The following PROM1 variants were observed in gnomAD, a reference collection of about 807,000 sequenced individuals.
PROM1 encodes prominin 1.
Under a neutral mutation model 116.9 loss-of-function variants are expected in PROM1, and 105 were observed. The ratio of observed to expected loss-of-function variants is 0.90; its 90% CI spans 0.77 to 1.06. PROM1 has a LOEUF of 1.06. PROM1 is among the 50% of genes least tolerant of loss of function. PROM1 has a pLI of 0.00. For missense variants in PROM1, 1,122 were observed against 1,045.2 expected (o/e 1.07, Z -1.01); for synonymous variants, 393 against 387.0 (o/e 1.02, Z -0.18).
At chr4:16,013,686 G>A (rs948718736) in intron 10 of PROM1, among the ~76,000 whole-genome samples, 3 of 152,156 alleles carry the variant, frequency 2.0e-5, no homozygotes, top group South Asian at 4.1e-4. Context: ...ACTAGGGTAT[G>A]TTTGGCAAAG....
At chr4:16,041,286 A>G (rs1255252217) in intron 2 of PROM1, among the ~76,000 whole-genome samples, 1 of 152,254 alleles carries the variant, frequency 6.6e-6, no homozygotes, top group Non-Finnish European at 1.5e-5. Flanking sequence ...CTCTTGATAA[A>G]GCATTAAAAA....
chr4:16,013,453 A>G, intron 10 of PROM1, 115 bp from the exon 11 acceptor site: 1 of 700,820 alleles, frequency 1.4e-6, no homozygotes. Flanking sequence ...TATAACATTC[A>G]TCTTAAGGGT....
intron 3 of PROM1, among the ~76,000 whole-genome samples, chr4:16,036,363 C>T (rs1168450172): frequency 6.6e-6 from 1 of 152,186 alleles, no homozygotes; most frequent in Non-Finnish European, 1.5e-5. Flanking sequence ...ATTGCCTCAG[C>T]TGGCAGATCT....
chr4:16,022,635 A>G (rs1352971151), intron 8 of PROM1, among the ~76,000 whole-genome samples: 1 of 152,206 alleles, frequency 6.6e-6, no homozygotes, highest in Non-Finnish European at 1.5e-5. Context: ...TGGCAAAATG[A>G]GTGTTTTACA....
intron 12 of PROM1, among the ~76,000 whole-genome samples, chr4:16,008,509 T>C (rs1238210478): frequency 2.6e-5 from 4 of 152,250 alleles, no homozygotes; most frequent in Non-Finnish European, 5.9e-5. Context: ...GTTTATAAAA[T>C]AGAAAAGAAT....
intron 26 of PROM1, chr4:15,971,328 A>G: frequency 2.1e-6 from 1 of 474,440 alleles, no homozygotes; most frequent in East Asian, 3.2e-5. Context: ...AGAATTGTGA[A>G]TATTCACAAT....
At chr4:15,980,636 T>A in intron 23 of PROM1, 99 bp from the exon 24 acceptor site, 1 of 776,134 alleles carries the variant, frequency 1.3e-6, no homozygotes, top group Non-Finnish European at 2.0e-6. Flanking sequence ...TTTTTGGAAT[T>A]TTTAAAAATG....
chr4:16,075,663 T>C lies in PROM1; in HGVS notation c.220+24A>G, dbSNP rs202017886. ...TGGGTGCGTTTGGAGATAAATCCTA[T>C]CTTTCCCTGCCATCAGCACTTACCT... On this transcript the variant is annotated intron_variant, in intron 2 of 27. Transcript: ENST00000447510. The C allele has an allele frequency of 1.9e-4, 300 of 1,589,006 alleles. No individual in the cohort carries two copies. In the African/African-American group the frequency reaches 3.6e-3, roughly 19 times the overall value.
intron 11 of PROM1, among the ~76,000 whole-genome samples, chr4:16,010,384 A>T (rs564646690): frequency 1.9e-4 from 29 of 152,358 alleles, no homozygotes; most frequent in Non-Finnish European, 3.7e-4. Context: ...ATCTCTTTGC[A>T]GCAGCAGAGA....
chr4:15,985,883 A>AGTATG, intron 21 of PROM1, 55 bp from the exon 22 acceptor site: 1 of 70,502 alleles, frequency 1.4e-5, no homozygotes. Flanking sequence ...GCATACTTAA[A>AGTATG]CATTATAAAT....
At chr4:16,037,575 A>C (rs1423646173) in intron 3 of PROM1, among the ~76,000 whole-genome samples, 1 of 152,192 alleles carries the variant, frequency 6.6e-6, no homozygotes, top group Non-Finnish European at 1.5e-5. Context: ...TGCCGGAAAC[A>C]CTAGCATTCA....
chr4:16,052,841 G>T (rs1347392906), intron 2 of PROM1, among the ~76,000 whole-genome samples: 1 of 152,174 alleles, frequency 6.6e-6, no homozygotes, highest in Admixed American at 6.5e-5. Context: ...GCAAATGATT[G>T]TTGGGGAACA....
intron 11 of PROM1, among the ~76,000 whole-genome samples, chr4:16,012,866 G>A (rs556336141): frequency 4.9e-3 from 451 of 92,478 alleles, no homozygotes; most frequent in Middle Eastern, 7.2e-3. Flanking sequence ...GCGAGACTCT[G>A]TCTCAAAAAA....
At chr4:15,973,204 T>C (rs1407571209) in intron 26 of PROM1, among the ~76,000 whole-genome samples, 2 of 152,210 alleles carry the variant, frequency 1.3e-5, no homozygotes. Flanking sequence ...CTCATGCCTG[T>C]AATCTAGCAA....
intron 11 of PROM1, among the ~76,000 whole-genome samples, chr4:16,011,487 G>A (rs1726876618): frequency 6.6e-6 from 1 of 152,238 alleles, no homozygotes; most frequent in African/African-American, 2.4e-5. Flanking sequence ...CACTGGCCCG[G>A]CTCTAGGAAG....
chr4:16,019,732 G>C (rs569759295), intron 8 of PROM1, among the ~76,000 whole-genome samples: 1 of 152,074 alleles, frequency 6.6e-6, no homozygotes, highest in Non-Finnish European at 1.5e-5. Flanking sequence ...TCAGGTCTTC[G>C]CTCTGTGGTT....
At chr4:16,001,325 A>C (rs1012796409) in intron 13 of PROM1, among the ~76,000 whole-genome samples, 1 of 152,134 alleles carries the variant, frequency 6.6e-6, no homozygotes, top group Non-Finnish European at 1.5e-5. Flanking sequence ...AGAGACACTG[A>C]ATGGAAAGAC....
chr4:16,076,185 G>A (rs4698134), intron 1 of PROM1, 67 bp from the exon 2 acceptor site: 365,040 of 446,480 alleles, frequency 0.82, 149,760 homozygotes, highest in Non-Finnish European at 0.85. Flanking sequence ...GGAGCTGCCC[G>A]GAGAGGACGC....
At chr4:16,048,611 G>T (rs1737084336) in intron 2 of PROM1, among the ~76,000 whole-genome samples, 1 of 152,110 alleles carries the variant, frequency 6.6e-6, no homozygotes, top group African/African-American at 2.4e-5. Context: ...AACACCTTTA[G>T]GGTACTTTTT....
Sources: gnomAD v4.1 joint callset for allele counts (sites outside exome capture counted in the v4.1 genomes callset) on GRCh38, gnomAD v4.1.1 for gene constraint, MANE v1.5 for transcripts, NCBI Gene and HGNC (gene_info 2026-07-23, HGNC 2026-07-21) for gene names.